Variants in JAK2 observed in about 807,000 individuals in gnomAD.
The protein encoded by JAK2 is Janus kinase 2, also known as tyrosine-protein kinase JAK2.
JAK2 carries 86 observed loss-of-function variants against 139.3 expected under a neutral mutation model. The observed-to-expected ratio is 0.62, with a 90% CI of 0.52 to 0.74. JAK2 has a LOEUF of 0.74. Ranked by LOEUF, JAK2 falls within the 30% of genes least tolerant of loss-of-function variation. The pLI is 0.00. For missense variants in JAK2, 1,421 were observed against 1,360.3 expected (o/e 1.04, Z -0.70); for synonymous variants, 490 against 437.7 (o/e 1.12, Z -1.49).
intron 5 of JAK2, among the ~76,000 whole-genome samples, chr9:5,050,425 C>A (rs893154413): frequency 7.2e-5 from 11 of 152,086 alleles, no homozygotes; most frequent in Non-Finnish European, 1.6e-4. Flanking sequence ...TATGTGCCAC[C>A]ATGCCTGGAT....
At chr9:5,071,954 G>C (rs1313698482) in intron 12 of JAK2, among the ~76,000 whole-genome samples, 3 of 152,196 alleles carry the variant, frequency 2.0e-5, no homozygotes, top group Admixed American at 2.0e-4. Context: ...ATGTGTCATG[G>C]ACTGTGCTAA....
At chr9:5,096,416 C>T (rs185307178) in intron 22 of JAK2, among the ~76,000 whole-genome samples, 6 of 152,254 alleles carry the variant, frequency 3.9e-5, no homozygotes, top group Non-Finnish European at 5.9e-5. Flanking sequence ...CTTGCTAGAT[C>T]GGTGGAATTC....
chr9:5,064,755 C>G (rs958404121), intron 8 of JAK2, 128 bp from the exon 9 acceptor site: 1 of 593,862 alleles, frequency 1.7e-6, no homozygotes, highest in Admixed American at 3.3e-5. Context: ...ATATTGAGTA[C>G]TGAGCCATAA....
chr9:5,065,012 A>T lies in JAK2; in HGVS notation c.1186A>T (p.Ile396Leu). The T allele has an allele frequency of 6.2e-7, 1 of 1,602,960 alleles. No individual in the cohort carries two copies. The highest frequency in any genetic ancestry group is 8.5e-7 in the Non-Finnish European group (1 of 1,175,046). ...AGCACCTCCAGCCGTGCTTGAAAATATACAAAGCAACTGTCATGGCCCAAT... is the reference window on the plus strand; with the variant it reads ...AGCACCTCCAGCCGTGCTTGAAAATTTACAAAGCAACTGTCATGGCCCAAT... The part of the protein sequence containing the change: ...EVAPPAVLEN[I>L]QSNCHGPISM... The change falls in exon 9 of 25, where the codon ATA (isoleucine) becomes TTA (leucine). Residue 396 changes from isoleucine (I) to leucine (L), a missense_variant. Coordinates refer to ENST00000381652, the MANE Select transcript of JAK2 (RefSeq NM_004972.4).
rs2130152579 is a variant in JAK2 at position 5,029,808 on chromosome 9, G to A, written c.252G>A (p.Met84Ile). ...GTATCACACCTGTGTATCATAATAT[G>A]TTTGCTTTAATGAGTGAAACAGAAA... ...ACGITPVYHN[M>I]FALMSETERI... Residue 84 changes from methionine to isoleucine, a missense_variant, in exon 4 of 25, where the codon ATG becomes ATA. Coordinates refer to ENST00000381652, the MANE Select transcript of JAK2 (RefSeq NM_004972.4). 2 of 1,611,036 alleles carry A rather than the reference G, an allele frequency of 1.2e-6. No homozygotes were observed. The highest frequency in any genetic ancestry group is 8.5e-7 in the Non-Finnish European group (1 of 1,177,944).
intron 23 of JAK2, among the ~76,000 whole-genome samples, chr9:5,123,422 G>A (rs1474782046): frequency 6.6e-6 from 1 of 151,724 alleles, no homozygotes; most frequent in Non-Finnish European, 1.5e-5. Flanking sequence ...TCTTTCTATG[G>A]CTGATTTGTT....
intron 10 of JAK2, among the ~76,000 whole-genome samples, chr9:5,068,186 A>C (rs1269532442): frequency 1.3e-5 from 2 of 152,036 alleles, no homozygotes; most frequent in Non-Finnish European, 2.9e-5. Flanking sequence ...AAAAAAAAAA[A>C]AAACAAGAAA....
At chr9:5,125,364 T>C (rs1390447109) in intron 23 of JAK2, among the ~76,000 whole-genome samples, 1 of 151,384 alleles carries the variant, frequency 6.6e-6, no homozygotes, top group Non-Finnish European at 1.5e-5. Context: ...AAAAATGTAC[T>C]GCAAATATGT....
At chr9:5,061,245 T>G (rs991307437) in intron 8 of JAK2, among the ~76,000 whole-genome samples, 3 of 152,256 alleles carry the variant, frequency 2.0e-5, no homozygotes, top group Non-Finnish European at 2.9e-5. Flanking sequence ...CATAGGCCCT[T>G]AGCAAGAGGG....
At chr9:5,084,932 G>C (rs763710580) in intron 19 of JAK2, 21 of 578,758 alleles carry the variant, frequency 3.6e-5, no homozygotes, top group Non-Finnish European at 6.2e-5. Context: ...AGCAAACAAA[G>C]TGTATTCCAC....
intron 22 of JAK2, among the ~76,000 whole-genome samples, chr9:5,122,640 T>C (rs1178200259): frequency 6.6e-6 from 1 of 152,080 alleles, no homozygotes; most frequent in Non-Finnish European, 1.5e-5. Flanking sequence ...CATATATCCA[T>C]ATTCATGGTT....
chr9:5,049,745 T>C (rs1479219529), intron 5 of JAK2, among the ~76,000 whole-genome samples: 1 of 152,254 alleles, frequency 6.6e-6, no homozygotes, highest in Non-Finnish European at 1.5e-5. Context: ...TTTATTGTTC[T>C]GTGAATATCA....
chr9:5,016,998 A>G (rs1822108820), intron 2 of JAK2, among the ~76,000 whole-genome samples: 1 of 152,256 alleles, frequency 6.6e-6, no homozygotes. Context: ...AAGATAAAGA[A>G]GAATCTACAT....
intron 2 of JAK2, among the ~76,000 whole-genome samples, chr9:5,014,791 C>T (rs1205437749): frequency 2.0e-5 from 3 of 152,168 alleles, no homozygotes; most frequent in African/African-American, 4.8e-5. Flanking sequence ...GAAACTACCA[C>T]CCACCCCAGG....
At chr9:5,083,206 AT>A (rs5896107) in intron 19 of JAK2, among the ~76,000 whole-genome samples, 38,246 of 152,044 alleles carry the variant, frequency 0.25, 5,066 homozygotes, top group African/African-American at 0.33. Flanking sequence ...CTCAGGGAGA[AT>A]TAATCTTATT....
At chr9:5,086,113 T>G (rs545569088) in intron 19 of JAK2, 7 of 465,734 alleles carry the variant, frequency 1.5e-5, no homozygotes, top group African/African-American at 1.4e-4. Flanking sequence ...TGCGCGGGCA[T>G]CGGCAGCGGC....
At chr9:5,111,842 G>A (rs1022332791) in intron 22 of JAK2, 3 of 403,638 alleles carry the variant, frequency 7.4e-6, no homozygotes, top group Non-Finnish European at 1.5e-5. Flanking sequence ...CCTGTCGGCG[G>A]GGCCGACAAC....
chr9:5,066,780 T>G lies in JAK2; in HGVS notation c.1317T>G (p.Phe439Leu). ...PKDFNKYFLTFAVERENVIEY... is the reference protein window; with the variant it reads ...PKDFNKYFLTLAVERENVIEY... ...ACTTTAATAAATATTTTTTGACTTT[T>G]GCTGTCGAGGTTAGTATGTCACACT... Residue 439 changes from phenylalanine (F) to leucine (L), a missense_variant, in exon 10 of 25, where the codon TTT (phenylalanine) becomes TTG (leucine). Coordinates refer to ENST00000381652, the MANE Select transcript of JAK2 (RefSeq NM_004972.4). 6.5e-7 allele frequency: 1 copy of G among 1,533,588 alleles called. No individual in the cohort carries two copies. Among genetic ancestry groups the G allele is most frequent in the Non-Finnish European group, 8.8e-7 (1 of 1,133,650 alleles). 95.0% of individuals were successfully genotyped at this position (1,533,588 alleles called of 1,614,324 possible).
intron 2 of JAK2, among the ~76,000 whole-genome samples, chr9:5,011,284 C>T (rs1214243893): frequency 6.6e-6 from 1 of 152,128 alleles, no homozygotes; most frequent in East Asian, 1.9e-4. Flanking sequence ...CTCCTGAGCG[C>T]AAGTAATCCT....
Sources: gnomAD v4.1 joint callset for allele counts (sites outside exome capture counted in the v4.1 genomes callset) on GRCh38, gnomAD v4.1.1 for gene constraint, MANE v1.5 for transcripts, NCBI Gene and HGNC (gene_info 2026-07-23, HGNC 2026-07-21) for gene names.